PRR11: variants seen among roughly 807,000 people sequenced by gnomAD.
The protein encoded by PRR11 is proline rich 11.
PRR11 carries 30 observed loss-of-function variants against 45.6 expected under a neutral mutation model. The ratio of observed to expected loss-of-function variants is 0.66; its 90% CI spans 0.49 to 0.89. The LOEUF (loss-of-function observed/expected upper bound fraction) is 0.89. Ranked by LOEUF, PRR11 falls within the 40% of genes least tolerant of loss-of-function variation. PRR11 has a pLI of 0.00. For synonymous variants in PRR11, 128 were observed against 153.5 expected, an observed-to-expected ratio of 0.83 and a Z score of 1.23; for missense variants, 373 against 424.8, an observed-to-expected ratio of 0.88 and a Z score of 1.07.
intron 2 of PRR11, among the ~76,000 whole-genome samples, chr17:59,178,001 C>T (rs1381030673): frequency 1.5e-5 from 2 of 131,294 alleles, no homozygotes; most frequent in Non-Finnish European, 3.2e-5. Flanking sequence ...GATACTGTCT[C>T]GAAAAAAAAA....
intron 9 of PRR11, 96 bp from the exon 10 acceptor site, chr17:59,201,467 T>G (rs2046891985): frequency 8.0e-7 from 1 of 1,255,838 alleles, no homozygotes; most frequent in African/African-American, 1.5e-5. Context: ...AATGCAGTGT[T>G]GCCATGCAAA....
intron 1 of PRR11, among the ~76,000 whole-genome samples, chr17:59,159,079 C>A (rs996911134): frequency 6.6e-6 from 1 of 152,222 alleles, no homozygotes; most frequent in Non-Finnish European, 1.5e-5. Flanking sequence ...CTCAGTCTCC[C>A]AAAGTGCTGG....
rs1280316501 is a variant in PRR11 at position 59,195,315 on chromosome 17, C to A, written c.745-16C>A. Reference sequence around the variant, plus strand: ...TTTAAAATTTGTTTTAATAATGTCTCATTTTATAATTAAAGCTTATACCAT... The same window carrying A: ...TTTAAAATTTGTTTTAATAATGTCTAATTTTATAATTAAAGCTTATACCAT... On this transcript the variant is annotated splice_polypyrimidine_tract_variant and intron_variant, in intron 6 of 9. Coordinates refer to ENST00000262293, the MANE Select transcript of PRR11 (RefSeq NM_018304.4). 1.9e-6 allele frequency: 3 copies of A among 1,577,856 alleles called. No homozygotes were observed. In the African/African-American group the frequency reaches 4.1e-5, roughly 21 times the overall value.
intron 2 of PRR11, chr17:59,177,347 G>T (rs1217888037): frequency 1.9e-6 from 1 of 536,576 alleles, no homozygotes; most frequent in Non-Finnish European, 3.8e-6. Flanking sequence ...GGGAGGGTTT[G>T]CCCATCAGAG....
chr17:59,188,891 G>C (rs549274268), intron 4 of PRR11, among the ~76,000 whole-genome samples: 1 of 151,662 alleles, frequency 6.6e-6, no homozygotes, highest in South Asian at 2.1e-4. Context: ...AGTGAGCTGA[G>C]ATCGCGCCAC....
intron 9 of PRR11, among the ~76,000 whole-genome samples, chr17:59,200,894 G>C (rs1468732311): frequency 6.6e-6 from 1 of 151,068 alleles, no homozygotes; most frequent in Admixed American, 6.6e-5. Flanking sequence ...CAAAGTGCTG[G>C]GATTACAGGC....
rs199806244 is a variant in PRR11, at chr17:59,197,765, G to A, written c.990G>A (p.Thr330=). 42 of 1,613,690 alleles carry A rather than the reference G, an allele frequency of 2.6e-5. No individual in the cohort carries two copies. The highest frequency in any genetic ancestry group is 1.8e-4 in the East Asian group (8 of 44,886). The change falls in exon 9 of 10, where the codon ACG becomes ACA. Residue 330 remains threonine (T), a synonymous_variant. Coordinates refer to ENST00000262293, the MANE Select transcript of PRR11 (RefSeq NM_018304.4). The part of the protein sequence containing the change: ...ETGTGLTPVM[T]QALRRKFQLA... ...GAACAGGACTGACTCCAGTGATGAC[G>A]CAGGCCTTAAGGAGAAAGTTTCAGG...
Position 59,202,010 on chromosome 17 carries a change from T to G in PRR11, c.*379T>G. On this transcript the variant is annotated 3_prime_UTR_variant, in exon 10 of 10. Transcript: ENST00000262293. ...AAAAACCCACCCAAATCCTTTTTTT[T>G]AATGTAGTAGGGTTTATATAGATAT... 1 of 227,830 alleles carries G rather than the reference T, an allele frequency of 4.4e-6. No individual in the cohort carries two copies. Among genetic ancestry groups the G allele is most frequent in the South Asian group, 7.1e-5 (1 of 13,992 alleles). 14.1% of individuals were successfully genotyped at this position (227,830 alleles called of 1,614,324 possible).
At chr17:59,174,306 C>A (rs1323608836) in intron 2 of PRR11, among the ~76,000 whole-genome samples, 2 of 152,220 alleles carry the variant, frequency 1.3e-5, no homozygotes, top group Non-Finnish European at 2.9e-5. Flanking sequence ...GACAACATCA[C>A]AAACCCTGAG....
At chr17:59,198,821 A>G (rs2046878954) in intron 9 of PRR11, among the ~76,000 whole-genome samples, 1 of 152,106 alleles carries the variant, frequency 6.6e-6, no homozygotes, top group Non-Finnish European at 1.5e-5. Flanking sequence ...TGGGTGACGG[A>G]GTGAGACCCT....
intron 2 of PRR11, chr17:59,179,697 C>T: frequency 4.9e-6 from 7 of 1,442,022 alleles, no homozygotes; most frequent in Non-Finnish European, 6.7e-6. Context: ...ACGGGTGACA[C>T]TCGCCATTGC....
At chr17:59,167,394 G>C (rs937558706) in intron 1 of PRR11, among the ~76,000 whole-genome samples, 1 of 152,224 alleles carries the variant, frequency 6.6e-6, no homozygotes, top group African/African-American at 2.4e-5. Context: ...TAGAACACTA[G>C]AACTTATTCC....
chr17:59,172,254 T>C (rs1309036277), intron 2 of PRR11, among the ~76,000 whole-genome samples: 4 of 151,902 alleles, frequency 2.6e-5, no homozygotes, highest in Non-Finnish European at 4.4e-5. Context: ...CCCAGGGAGG[T>C]TGGAATTCAG....
intron 9 of PRR11, among the ~76,000 whole-genome samples, chr17:59,200,272 A>G (rs777819198): frequency 2.4e-4 from 37 of 152,148 alleles, no homozygotes; most frequent in Non-Finnish European, 4.9e-4. Flanking sequence ...GGCTTCAGGT[A>G]TCAGAAATCT....
intron 1 of PRR11, among the ~76,000 whole-genome samples, chr17:59,156,617 A>G (rs1277424449): frequency 1.3e-5 from 2 of 151,946 alleles, no homozygotes; most frequent in African/African-American, 4.8e-5. Flanking sequence ...TACAGCTTTG[A>G]AAGTACCCCA....
chr17:59,201,725 C>G lies in PRR11; in HGVS notation c.*94C>G. Reference sequence around the variant, plus strand: ...GTGGCTCACACCTGTAATCCCAGCACTTTGGGAGGCTGAGGCAGGTGGATC... The same window carrying G: ...GTGGCTCACACCTGTAATCCCAGCAGTTTGGGAGGCTGAGGCAGGTGGATC... On this transcript the variant is annotated 3_prime_UTR_variant, in exon 10 of 10. Coordinates refer to ENST00000262293, the MANE Select transcript of PRR11 (RefSeq NM_018304.4). 1 of 1,321,366 alleles carries G rather than the reference C, an allele frequency of 7.6e-7. No individual in the cohort carries two copies. The highest frequency in any genetic ancestry group is 1.1e-6 in the Non-Finnish European group (1 of 926,850). 81.9% of individuals were successfully genotyped at this position (1,321,366 alleles called of 1,614,324 possible). A position where few individuals can be genotyped will look rare whatever the true frequency, so the allele number is the denominator to read the frequency against.
chr17:59,156,120 T>A (rs1036454836), intron 1 of PRR11, among the ~76,000 whole-genome samples: 1 of 152,228 alleles, frequency 6.6e-6, no homozygotes, highest in South Asian at 2.1e-4. Context: ...GCATCTCTTG[T>A]TTGCTTGTTA....
In PRR11 at chr17:59,205,597, A is replaced by G. The variant is rs576972998; in HGVS notation, c.*3966A>G. ...GACACCTGTAATCCCAGCTACTGGGAAGGCTGAGCCAGAATGGCTTGAACC... is the reference window on the plus strand; with the variant it reads ...GACACCTGTAATCCCAGCTACTGGGGAGGCTGAGCCAGAATGGCTTGAACC... On this transcript the variant is annotated 3_prime_UTR_variant, in exon 10 of 10. Transcript: ENST00000262293. Among the ~76,000 whole-genome samples the G allele has an allele frequency of 3.3e-5, 5 of 151,478 alleles. No homozygotes were observed. Among genetic ancestry groups the G allele is most frequent in the African/African-American group, 1.2e-4 (5 of 41,258 alleles).
At chr17:59,176,140 C>G (rs1398345260) in intron 2 of PRR11, among the ~76,000 whole-genome samples, 1 of 152,150 alleles carries the variant, frequency 6.6e-6, no homozygotes, top group African/African-American at 2.4e-5. Context: ...TTCAGAACCA[C>G]ATGTGTGCGG....
Sources: allele counts gnomAD v4.1 joint callset (sites outside exome capture counted in the v4.1 genomes callset), GRCh38; gene constraint gnomAD v4.1.1; transcripts MANE v1.5; gene names NCBI Gene and HGNC (gene_info 2026-07-23, HGNC 2026-07-21).